Variants in ATG7 observed in about 807,000 individuals in gnomAD.
The protein encoded by ATG7 is ubiquitin-like modifier-activating enzyme ATG7.
ATG7 carries 70 observed loss-of-function variants against 82.4 expected under a neutral mutation model. The ratio of observed to expected loss-of-function variants is 0.85; its 90% CI spans 0.70 to 1.04. The LOEUF (loss-of-function observed/expected upper bound fraction) is 1.04, where lower values mean the gene tolerates loss of function less well. ATG7 is among the 50% of genes least tolerant of loss of function. ATG7 has a pLI of 0.00. For missense variants in ATG7, 792 were observed against 864.3 expected, an observed-to-expected ratio of 0.92 and a Z score of 1.05; for synonymous variants, 287 against 313.0, an observed-to-expected ratio of 0.92 and a Z score of 0.88.
chr3:11,554,833 A>G lies in ATG7; in HGVS notation c.2102A>G (p.Glu701Gly). 1 of 1,612,924 alleles carries G rather than the reference A, an allele frequency of 6.2e-7. No individual in the cohort carries two copies. The highest frequency in any genetic ancestry group is 8.5e-7 in the Non-Finnish European group (1 of 1,179,606). The stretch of plus-strand genomic sequence containing the variant: ...CAGATCTGGGACATGAGCGATGATG[A>G]GACCATCTGAGATGGCCCCGCTGTG... ...AAEIWDMSDDETI is the reference protein window; with the variant it reads ...AAEIWDMSDDGTI The change falls in exon 21 of 21, where the codon GAG becomes GGG. Residue 701 changes from glutamate (E) to glycine (G), a missense_variant. Transcript: ENST00000693202.
intron 20 of ATG7, among the ~76,000 whole-genome samples, chr3:11,542,416 C>G (rs1400243181): frequency 6.6e-6 from 1 of 152,250 alleles, no homozygotes; most frequent in Non-Finnish European, 1.5e-5. Flanking sequence ...TGCCGGAAAC[C>G]TCACTAAGGA....
chr3:11,538,890 G>GA (rs1187035315), intron 20 of ATG7, among the ~76,000 whole-genome samples: 1 of 149,286 alleles, frequency 6.7e-6, no homozygotes. Context: ...AAAAGAAAAA[G>GA]AAAAAGCCCT....
intron 9 of ATG7, among the ~76,000 whole-genome samples, chr3:11,316,603 C>T (rs1223710889): frequency 6.6e-6 from 1 of 152,158 alleles, no homozygotes. Context: ...TCTTTTTGTG[C>T]CATATTAGAC....
intron 16 of ATG7, among the ~76,000 whole-genome samples, chr3:11,362,482 A>G (rs2076345082): frequency 6.6e-6 from 1 of 152,232 alleles, no homozygotes; most frequent in African/African-American, 2.4e-5. Context: ...TTAACTACCA[A>G]GCACAGTAGA....
chr3:11,408,825 G>T (rs989643646), intron 19 of ATG7, among the ~76,000 whole-genome samples: 4 of 152,196 alleles, frequency 2.6e-5, no homozygotes, highest in Admixed American at 2.0e-4. Flanking sequence ...TATGGGAGCT[G>T]CAAGATGAGA....
At chr3:11,366,497 T>C (rs2076621913) in intron 18 of ATG7, among the ~76,000 whole-genome samples, 1 of 152,172 alleles carries the variant, frequency 6.6e-6, no homozygotes, top group Admixed American at 6.5e-5. Context: ...GAAGCTGATC[T>C]CCAGAGCCTA....
intron 20 of ATG7, among the ~76,000 whole-genome samples, chr3:11,537,364 G>A (rs1183803163): frequency 1.3e-5 from 2 of 152,040 alleles, no homozygotes; most frequent in Non-Finnish European, 2.9e-5. Context: ...TTTTGTGTTA[G>A]TCTCTTGTCA....
intron 5 of ATG7, among the ~76,000 whole-genome samples, chr3:11,303,681 AG>A (rs1386742562): frequency 6.6e-6 from 1 of 150,786 alleles, no homozygotes; most frequent in Non-Finnish European, 1.5e-5. Context: ...AAAAAAAAAA[AG>A]AATTTTCCTT....
At chr3:11,350,259 G>A (rs2075436585) in intron 14 of ATG7, among the ~76,000 whole-genome samples, 1 of 152,158 alleles carries the variant, frequency 6.6e-6, no homozygotes, top group Non-Finnish European at 1.5e-5. Context: ...CCAGCTATGT[G>A]CTAAATGCTG....
intron 19 of ATG7, among the ~76,000 whole-genome samples, chr3:11,398,416 A>C (rs1347530080): frequency 6.6e-6 from 1 of 152,238 alleles, no homozygotes; most frequent in Admixed American, 6.5e-5. Flanking sequence ...AGTAATAAAC[A>C]GATAACTAGA....
At chr3:11,339,152 C>T (rs924510449) in intron 11 of ATG7, among the ~76,000 whole-genome samples, 4 of 151,886 alleles carry the variant, frequency 2.6e-5, no homozygotes, top group East Asian at 1.9e-4. Flanking sequence ...AAAAATTAGC[C>T]GGGCATGCTG....
intron 11 of ATG7, among the ~76,000 whole-genome samples, chr3:11,337,969 A>G (rs1952807605): frequency 6.6e-6 from 1 of 152,042 alleles, no homozygotes; most frequent in Non-Finnish European, 1.5e-5. Context: ...TAAAAAAAAA[A>G]CTTTTATTTT....
At chr3:11,370,077 GGATT>G (rs1308268978) in intron 18 of ATG7, among the ~76,000 whole-genome samples, 2 of 151,082 alleles carry the variant, frequency 1.3e-5, no homozygotes, top group African/African-American at 2.4e-5. Context: ...ATTCATGGAT[GGATT>G]AAGTCACACG....
chr3:11,443,793 CT>C (rs2084234948), intron 20 of ATG7, among the ~76,000 whole-genome samples: 1 of 152,188 alleles, frequency 6.6e-6, no homozygotes, highest in Admixed American at 6.5e-5. Context: ...ATTTCCCCCC[CT>C]GCTTTTTTCT....
intron 18 of ATG7, among the ~76,000 whole-genome samples, chr3:11,372,976 A>T (rs1461889783): frequency 2.0e-5 from 3 of 151,338 alleles, no homozygotes; most frequent in African/African-American, 7.3e-5. Flanking sequence ...AAAAATAGGA[A>T]AATGGAAGTA....
chr3:11,329,013 GA>G (rs1256546127), intron 9 of ATG7, among the ~76,000 whole-genome samples: 1 of 152,190 alleles, frequency 6.6e-6, no homozygotes, highest in Non-Finnish European at 1.5e-5. Flanking sequence ...AGAATTGCTT[GA>G]ATCCTATGAG....
intron 20 of ATG7, among the ~76,000 whole-genome samples, chr3:11,442,739 CAAAAAAAAAAAAAAAAAA>C (rs57073881): frequency 2.9e-5 from 2 of 69,236 alleles, no homozygotes; most frequent in African/African-American, 1.1e-4. Flanking sequence ...TCCATCTCTA[CAAAAAAAAAAAAAAAAAA>C]AAAAAAAAAA....
chr3:11,458,509 C>T (rs893566245), intron 20 of ATG7, among the ~76,000 whole-genome samples: 3 of 152,086 alleles, frequency 2.0e-5, no homozygotes, highest in African/African-American at 4.8e-5. Context: ...GTGATCCGCC[C>T]GCCTCGGCAT....
intron 3 of ATG7, among the ~76,000 whole-genome samples, chr3:11,287,815 T>C (rs113431729): frequency 0.043 from 6,546 of 152,330 alleles, 161 homozygotes; most frequent in African/African-American, 0.068. Context: ...TGATCTTTAC[T>C]GCCCTTTAAA....
Sources: gnomAD v4.1 joint callset for allele counts (sites outside exome capture counted in the v4.1 genomes callset) on GRCh38, gnomAD v4.1.1 for gene constraint, MANE v1.5 for transcripts, NCBI Gene and HGNC (gene_info 2026-07-23, HGNC 2026-07-21) for gene names.